The following SYNE2 variants were observed in gnomAD, a reference collection of about 807,000 sequenced individuals.
The protein encoded by SYNE2 is nesprin-2.
In SYNE2, 431 loss-of-function variants were observed where a neutral mutation model predicts 856.3. The observed-to-expected ratio is 0.50, with a 90% CI of 0.47 to 0.55. The LOEUF is 0.55. SYNE2 is among the 20% of genes least tolerant of loss of function. The probability of loss-of-function intolerance (pLI) is 0.00; values close to 1 mark genes in which losing one functional copy is unlikely to be tolerated. For missense variants in SYNE2, 8,129 were observed against 8,023.2 expected, an observed-to-expected ratio of 1.01 and a Z score of -0.50; for synonymous variants, 2,923 against 2,872.3, an observed-to-expected ratio of 1.02 and a Z score of -0.56.
At chr14:64,063,632 T>C (rs2097334544) in intron 50 of SYNE2, among the ~76,000 whole-genome samples, 1 of 152,268 alleles carries the variant, frequency 6.6e-6, no homozygotes, top group African/African-American at 2.4e-5. Flanking sequence ...TATTTTTATC[T>C]GTTAGAATCT....
chr14:63,940,700 TTTATAA>T (rs781683419), intron 3 of SYNE2, 25 bp downstream of exon 3: 2 of 1,609,682 alleles, frequency 1.2e-6, no homozygotes. Flanking sequence ...ACCAAATTAG[TTTATAA>T]ATCTATTTAT....
In SYNE2 at chr14:64,126,741, T is replaced by G; in HGVS notation, c.13851T>G (p.Thr4617=). 1.2e-6 allele frequency: 2 copies of G among 1,614,154 alleles called. No homozygotes were observed. Among genetic ancestry groups the G allele is most frequent in the East Asian group, 4.5e-5 (2 of 44,886 alleles). ...ACCTTCAAGTCTGCCTGGAGCACAC[T>G]CAGGCTGCAGCTGTCTGTAGAAGCA... ...FDNLQVCLEH[T]QAAAVCRSKS... The change falls in exon 73 of 116, where the codon ACT becomes ACG. Residue 4617 remains threonine (T), a synonymous_variant. Transcript: ENST00000555002.
At position 63,924,476 on chromosome 14, in the gene SYNE2, G is replaced by A. The variant is rs565351546; in HGVS notation, c.79+15249G>A. On this transcript the variant is annotated intron_variant, in intron 2 of 115. Coordinates refer to ENST00000555002, the MANE Select transcript of SYNE2 (RefSeq NM_182914.3). Reference sequence around the variant, plus strand: ...AGTATTGCCATCTTAACAATATTAAGTATTCTAGTCCATGAATATAGGCTA... The same window carrying A: ...AGTATTGCCATCTTAACAATATTAAATATTCTAGTCCATGAATATAGGCTA... Among the ~76,000 whole-genome samples, 6 of 152,172 alleles carry A rather than the reference G, an allele frequency of 3.9e-5. No individual in the cohort carries two copies. In the South Asian group the frequency reaches 1.2e-3, roughly 32 times the overall value.
rs34947861 is a variant in SYNE2 at position 63,841,832 on chromosome 14, CTT to C, written c.-304-10652_-304-10651del. On this transcript the variant is annotated intron_variant, in intron 1 of 23. Coordinates refer to the SYNE2 transcript ENST00000674003. ...CATTTTTCTTTTTCTTTCTTTCTTT[CTT>C]TTTTTTTTTTTTTTTTGAGACATTG... Among the ~76,000 whole-genome samples, 754 of 115,026 alleles carry C rather than the reference CTT, an allele frequency of 6.6e-3. 4 individuals carry two copies. The highest frequency in any genetic ancestry group is 0.01 in the Middle Eastern group (2 of 192). 75.5% of individuals were successfully genotyped at this position (115,026 alleles called of 152,430 possible). A position where few individuals can be genotyped will look rare whatever the true frequency, so the allele number is the denominator to read the frequency against.
intron 25 of SYNE2, among the ~76,000 whole-genome samples, chr14:63,997,707 A>G (rs1397080887): frequency 6.6e-6 from 1 of 152,196 alleles, no homozygotes; most frequent in East Asian, 1.9e-4. Context: ...CTTGATCTGT[A>G]CAGATGTTTC....
In SYNE2 at chr14:64,126,359, G is replaced by C; in HGVS notation, c.13587G>C (p.Leu4529Phe). ...ENMTEEAYIN[L>F]DKKLFELFLT... is the part of the protein sequence containing the mutation. ...TGACAGAAGAAGCATATATCAATTT[G>C]GATAAAAAATTGTTTGAACTATTCC... Residue 4529 changes from leucine (L) to phenylalanine (F), a missense_variant, in exon 72 of 116, where the codon TTG becomes TTC. Leu to Phe is a conservative substitution (Grantham distance 22). Transcript: ENST00000555002. 1 of 1,613,900 alleles carries C rather than the reference G, an allele frequency of 6.2e-7. No individual in the cohort carries two copies. Among genetic ancestry groups the C allele is most frequent in the Non-Finnish European group, 8.5e-7 (1 of 1,179,834 alleles).
chr14:64,196,589 A>G (rs968257437), intron 99 of SYNE2, among the ~76,000 whole-genome samples: 10 of 152,192 alleles, frequency 6.6e-5, no homozygotes, highest in African/African-American at 1.9e-4. Flanking sequence ...AGGCATTCCT[A>G]TTGGACTCAG....
At chr14:63,903,032 A>G (rs928920412) in intron 1 of SYNE2, among the ~76,000 whole-genome samples, 1 of 152,050 alleles carries the variant, frequency 6.6e-6, no homozygotes, top group Non-Finnish European at 1.5e-5. Flanking sequence ...TCTGAATTCA[A>G]ATCCTGAGAA....
intron 1 of SYNE2, among the ~76,000 whole-genome samples, chr14:63,778,741 C>T (rs1458376978): frequency 6.6e-6 from 1 of 152,130 alleles, no homozygotes; most frequent in African/African-American, 2.4e-5. Context: ...TCTCAAACTG[C>T]TGGCCTCAAG....
At position 64,188,771 on chromosome 14, in the gene SYNE2, T is replaced by C. The variant is rs895001389; in HGVS notation, c.17871+63T>C. ...CCATGGAATTGTCGGCCCTCCTCAC[T>C]CCTAAGCCCAAACAGGGGCAATGTT... On this transcript the variant is annotated intron_variant, in intron 98 of 115. Transcript: ENST00000555002. The C allele has an allele frequency of 9.6e-6, 15 of 1,564,560 alleles. No individual in the cohort carries two copies. The Admixed American group carries it at 1.9e-4, about 20-fold the overall frequency.
chr14:64,212,738 C>T, intron 104 of SYNE2, 73 bp from the exon 105 acceptor site: 2 of 1,386,764 alleles, frequency 1.4e-6, no homozygotes, highest in East Asian at 2.3e-5. Flanking sequence ...TTCTATGGCC[C>T]TGTTAGAAGA....
intron 84 of SYNE2, among the ~76,000 whole-genome samples, chr14:64,147,256 G>T (rs553764369): frequency 1.9e-4 from 29 of 152,234 alleles, no homozygotes; most frequent in African/African-American, 7.0e-4. Flanking sequence ...ACCACCCTCA[G>T]TGCAGGCCTG....
chr14:63,768,609 TTG>T (rs1446626331), intron 1 of SYNE2, among the ~76,000 whole-genome samples: 6 of 152,154 alleles, frequency 3.9e-5, no homozygotes, highest in African/African-American at 1.4e-4. Flanking sequence ...AAACATAAAA[TTG>T]TTTTTCAAAC....
At chr14:64,068,742 A>G (rs1275148906) in intron 51 of SYNE2, among the ~76,000 whole-genome samples, 1 of 151,440 alleles carries the variant, frequency 6.6e-6, no homozygotes, top group Admixed American at 6.6e-5. Context: ...GGTGCCTGTA[A>G]TCCCAGCTGC....
chr14:64,010,203 T>G, intron 32 of SYNE2, 87 bp downstream of exon 32: 2 of 1,428,798 alleles, frequency 1.4e-6, no homozygotes, highest in Non-Finnish European at 1.9e-6. Context: ...TAAGTCTTTT[T>G]TGAAACTTCG....
intron 57 of SYNE2, chr14:64,085,105 CT>C (rs1473389131): frequency 1.5e-6 from 1 of 681,996 alleles, no homozygotes; most frequent in Non-Finnish European, 2.7e-6. Flanking sequence ...CAGGGTCTTG[CT>C]CTGTCACCCA....
At chr14:63,891,858 G>T (rs927993349) in intron 1 of SYNE2, among the ~76,000 whole-genome samples, 1 of 152,000 alleles carries the variant, frequency 6.6e-6, no homozygotes, top group Non-Finnish European at 1.5e-5. Flanking sequence ...AATTTGGGTC[G>T]GTTATAGTAG....
intron 84 of SYNE2, among the ~76,000 whole-genome samples, chr14:64,150,007 C>CTTTTTTTTTTTTT (rs755126549): frequency 5.3e-5 from 5 of 94,412 alleles, no homozygotes; most frequent in Admixed American, 1.3e-4. Flanking sequence ...TTTTTCTTTT[C>CTTTTTTTTTTTTT]TTTTTTTTTT....
At chr14:63,894,355 T>C (rs1256413095) in intron 1 of SYNE2, among the ~76,000 whole-genome samples, 1 of 152,126 alleles carries the variant, frequency 6.6e-6, no homozygotes. Flanking sequence ...CAGCTAGGAC[T>C]ATAGGCATGC....
Sources: gnomAD v4.1 joint callset for allele counts (sites outside exome capture counted in the v4.1 genomes callset) on GRCh38, gnomAD v4.1.1 for gene constraint, MANE v1.5 for transcripts, NCBI Gene and HGNC (gene_info 2026-07-23, HGNC 2026-07-21) for gene names.